Variants in ELF1 observed in about 807,000 individuals in gnomAD.
ELF1 encodes the protein E74 like ETS transcription factor 1.
ELF1 carries 24 observed loss-of-function variants against 59.9 expected under a neutral mutation model. The ratio of observed to expected loss-of-function variants is 0.40; its 90% CI spans 0.29 to 0.56. ELF1 has a LOEUF of 0.56. Among genes scored for constraint, ELF1 ranks in the 20% least tolerant of loss-of-function variants. The pLI is 0.44. For synonymous variants in ELF1, 248 were observed against 266.2 expected (o/e 0.93, Z 0.67); for missense variants, 627 against 742.2 (o/e 0.84, Z 1.80).
chr13:40,942,436 T>C (rs1186118346), intron 7 of ELF1, among the ~76,000 whole-genome samples: 2 of 152,358 alleles, frequency 1.3e-5, no homozygotes, highest in East Asian at 3.8e-4. Context: ...TTCAAAATTC[T>C]CATGATTTCT....
intron 5 of ELF1, among the ~76,000 whole-genome samples, chr13:40,945,327 T>C (rs1179713173): frequency 6.6e-6 from 1 of 152,214 alleles, no homozygotes; most frequent in East Asian, 1.9e-4. Context: ...AAGCTTCAGG[T>C]GAATTACAGC....
chr13:40,979,735 G>C (rs1000816416), intron 2 of ELF1, among the ~76,000 whole-genome samples: 9 of 152,100 alleles, frequency 5.9e-5, no homozygotes, highest in Admixed American at 5.9e-4. Flanking sequence ...ACCTCTGTAT[G>C]CAGTTTTGTA....
At chr13:41,000,356 T>C (rs1874360298) in intron 1 of ELF1, among the ~76,000 whole-genome samples, 1 of 143,286 alleles carries the variant, frequency 7.0e-6, no homozygotes, top group African/African-American at 2.6e-5. Flanking sequence ...CTGGAGTAGC[T>C]GGAACTACAG....
At position 40,941,053 on chromosome 13, in the gene ELF1, T is replaced by A. The variant is rs751945909; in HGVS notation, c.1124A>T (p.Gln375Leu). The A allele has an allele frequency of 1.2e-5, 20 of 1,614,208 alleles. No individual in the cohort carries two copies. Among genetic ancestry groups the A allele is most frequent in the Non-Finnish European group, 1.6e-5 (19 of 1,180,044 alleles). The change falls in exon 8 of 9, where the codon CAG (glutamine) becomes CTG (leucine). Residue 375 changes from glutamine (Q) to leucine (L), a missense_variant. Physicochemically the swap from Gln to Leu is moderately radical, Grantham distance 113. This residue lies in a region of ELF1 where 361 missense variants were observed against 396.1 expected (regional missense o/e 0.91). Transcript: ENST00000239882. ...GAAGAGCTGGGTAGGATATGGAGAC[T>A]GCGTGGGCTGCACTGTCCTCAAAAC... ...SEVLRTVQPTQSPYPTQLFRT... is the reference protein window; with the variant it reads ...SEVLRTVQPTLSPYPTQLFRT...
chr13:40,940,815 C>A, intron 8 of ELF1, 106 bp downstream of exon 8: 1 of 1,291,896 alleles, frequency 7.7e-7, no homozygotes, highest in Non-Finnish European at 1.0e-6. Context: ...TAGCTTGAAA[C>A]CTTTATACTT....
intron 8 of ELF1, among the ~76,000 whole-genome samples, chr13:40,935,713 G>C (rs1593345620): frequency 6.8e-6 from 1 of 146,830 alleles, no homozygotes; most frequent in African/African-American, 2.5e-5. Context: ...TCGCTCTGTT[G>C]CCCAGGCTGG....
intron 1 of ELF1, among the ~76,000 whole-genome samples, chr13:41,000,568 T>C (rs1035205050): frequency 2.0e-5 from 3 of 152,124 alleles, no homozygotes; most frequent in African/African-American, 7.2e-5. Context: ...CGCTTTGTTG[T>C]ACTCTTGGAA....
At chr13:40,954,674 T>A (rs972106212) in intron 3 of ELF1, among the ~76,000 whole-genome samples, 96 of 152,132 alleles carry the variant, frequency 6.3e-4, no homozygotes, top group Non-Finnish European at 1.8e-4. Flanking sequence ...GGTCTCCAGC[T>A]CCTAACCGCG....
At chr13:41,004,853 GCCA>G (rs1874652837) in intron 1 of ELF1, among the ~76,000 whole-genome samples, 1 of 152,054 alleles carries the variant, frequency 6.6e-6, no homozygotes, top group South Asian at 2.1e-4. Context: ...ACATCTAATT[GCCA>G]CCACATGATG....
chr13:41,041,993 C>A (rs1419455558), intron 1 of ELF1, among the ~76,000 whole-genome samples: 1 of 152,088 alleles, frequency 6.6e-6, no homozygotes, highest in Non-Finnish European at 1.5e-5. Context: ...CAAATATTTC[C>A]TAAACTCTAT....
At chr13:41,010,315 T>C (rs1593393706) in intron 1 of ELF1, among the ~76,000 whole-genome samples, 1 of 147,514 alleles carries the variant, frequency 6.8e-6, no homozygotes, top group South Asian at 2.1e-4. Context: ...AATTTGCACG[T>C]CATAGTGGTA....
At chr13:40,967,482 G>GT (rs1383307950) in intron 2 of ELF1, among the ~76,000 whole-genome samples, 2 of 152,194 alleles carry the variant, frequency 1.3e-5, no homozygotes, top group African/African-American at 4.8e-5. Flanking sequence ...ATGGCATATA[G>GT]TAAGCAATAA....
intron 1 of ELF1, among the ~76,000 whole-genome samples, chr13:41,038,215 T>C (rs1876464014): frequency 6.6e-6 from 1 of 151,932 alleles, no homozygotes; most frequent in South Asian, 2.1e-4. Flanking sequence ...TCAGGCCAGG[T>C]GAGGTGGCTC....
At chr13:41,040,230 A>T (rs149530821) in intron 1 of ELF1, among the ~76,000 whole-genome samples, 39 of 152,376 alleles carry the variant, frequency 2.6e-4, no homozygotes, top group African/African-American at 8.9e-4. Context: ...AAGTAGTAAG[A>T]AACTAGAAAC....
At chr13:40,997,877 G>A (rs1011706625) in intron 1 of ELF1, among the ~76,000 whole-genome samples, 5 of 152,072 alleles carry the variant, frequency 3.3e-5, no homozygotes, top group Non-Finnish European at 5.9e-5. Context: ...CAGGCCAGGC[G>A]CAGTGGCTCA....
intron 2 of ELF1, among the ~76,000 whole-genome samples, chr13:40,973,979 A>C (rs2138244084): frequency 6.6e-6 from 1 of 152,326 alleles, no homozygotes; most frequent in East Asian, 1.9e-4. Context: ...AAACATACAG[A>C]GACAGAAAGT....
At chr13:41,048,881 T>A (rs1318037324) in intron 1 of ELF1, among the ~76,000 whole-genome samples, 1 of 152,104 alleles carries the variant, frequency 6.6e-6, no homozygotes, top group African/African-American at 2.4e-5. Flanking sequence ...CACCTACTCA[T>A]TTCTTCATCT....
chr13:41,016,575 T>G (rs2138380024), intron 1 of ELF1, among the ~76,000 whole-genome samples: 1 of 152,226 alleles, frequency 6.6e-6, no homozygotes, highest in South Asian at 2.1e-4. Flanking sequence ...ACACATATTT[T>G]AGTATAACAA....
At chr13:41,047,552 C>A (rs1251282572) in intron 1 of ELF1, among the ~76,000 whole-genome samples, 6 of 152,140 alleles carry the variant, frequency 3.9e-5, no homozygotes, top group Non-Finnish European at 1.5e-5. Context: ...CATTCCAGAC[C>A]CTGTGTGCCC....
Sources: gnomAD v4.1 joint callset for allele counts (sites outside exome capture counted in the v4.1 genomes callset) on GRCh38, gnomAD v4.1.1 for gene constraint, gnomAD v4.1.1 regional missense constraint, MANE v1.5 for transcripts, NCBI Gene and HGNC (gene_info 2026-07-23, HGNC 2026-07-21) for gene names.